Variants in RGS6 observed in about 807,000 individuals in gnomAD.
RGS6 encodes regulator of G-protein signaling 6.
RGS6 carries 30 observed loss-of-function variants against 78.5 expected under a neutral mutation model. That is an observed-to-expected ratio of 0.38 (90% CI 0.29 to 0.52). The LOEUF (loss-of-function observed/expected upper bound fraction) is 0.52, where lower values mean the gene tolerates loss of function less well. Ranked by LOEUF, RGS6 falls within the 20% of genes least tolerant of loss-of-function variation. RGS6 has a pLI of 0.85. For missense variants in RGS6, 495 were observed against 609.7 expected, an observed-to-expected ratio of 0.81 and a Z score of 1.98; for synonymous variants, 206 against 206.0, an observed-to-expected ratio of 1.00 and a Z score of 0.00.
At chr14:72,218,720 T>A (rs58722304) in intron 2 of RGS6, among the ~76,000 whole-genome samples, 5,732 of 152,206 alleles carry the variant, frequency 0.038, 339 homozygotes, top group African/African-American at 0.13. Context: ...CAAGTGATTC[T>A]CCTGTCTCAG....
At chr14:72,267,917 G>A (rs1231600939) in intron 2 of RGS6, among the ~76,000 whole-genome samples, 1 of 152,188 alleles carries the variant, frequency 6.6e-6, no homozygotes, top group Non-Finnish European at 1.5e-5. Flanking sequence ...AGTTTCCAGA[G>A]TCATTGATGA....
At chr14:72,247,681 G>C (rs1164680267) in intron 2 of RGS6, among the ~76,000 whole-genome samples, 1 of 152,186 alleles carries the variant, frequency 6.6e-6, no homozygotes, top group Non-Finnish European at 1.5e-5. Flanking sequence ...AGAGTAATTT[G>C]GTCAAGAGGG....
At chr14:72,599,393 CTTTTTTTTTTTTTTT>C in the RGS6 span, among the ~76,000 whole-genome samples, 5 of 78,226 alleles carry the variant, frequency 6.4e-5, no homozygotes, top group Non-Finnish European at 4.5e-5. Context: ...CTTTTCTTTC[CTTTTTTTTTTTTTTT>C]TTTTTTTTTT....
At chr14:72,276,203 A>AG (rs1007167889) in intron 2 of RGS6, among the ~76,000 whole-genome samples, 22 of 152,000 alleles carry the variant, frequency 1.4e-4, no homozygotes, top group African/African-American at 5.1e-4. Context: ...TAAAAAAAAA[A>AG]TTATACCTTA....
intron 12 of RGS6, among the ~76,000 whole-genome samples, chr14:72,485,505 G>A (rs374756680): frequency 6.6e-6 from 1 of 152,168 alleles, no homozygotes; most frequent in African/African-American, 2.4e-5. Context: ...AGCAGACTCT[G>A]TTCATCTTGT....
intron 2 of RGS6, among the ~76,000 whole-genome samples, chr14:72,087,137 GATT>G (rs1410887715): frequency 6.6e-6 from 1 of 151,982 alleles, no homozygotes; most frequent in Non-Finnish European, 1.5e-5. Context: ...ACATTATTAT[GATT>G]ATTATTTTGA....
At chr14:72,272,122 G>C (rs1031629094) in intron 2 of RGS6, among the ~76,000 whole-genome samples, 3 of 152,044 alleles carry the variant, frequency 2.0e-5, no homozygotes, top group African/African-American at 7.2e-5. Flanking sequence ...TATTGGGGTG[G>C]GGAAATTATT....
At chr14:71,882,591 T>C in the RGS6 span, among the ~76,000 whole-genome samples, 5 of 152,220 alleles carry the variant, frequency 3.3e-5, no homozygotes, top group Non-Finnish European at 1.5e-5. Context: ...ATGGGAATGA[T>C]CTGATTTTCT....
At chr14:72,112,136 A>G (rs766405093) in intron 2 of RGS6, among the ~76,000 whole-genome samples, 7 of 152,198 alleles carry the variant, frequency 4.6e-5, no homozygotes, top group Non-Finnish European at 8.8e-5. Context: ...GGCATTTACC[A>G]TGTTGATGGG....
chr14:72,322,116 C>A (rs1943689028), intron 2 of RGS6, among the ~76,000 whole-genome samples: 1 of 151,480 alleles, frequency 6.6e-6, no homozygotes, highest in Non-Finnish European at 1.5e-5. Context: ...AATTAATGAA[C>A]AAAAAATAAA....
chr14:72,230,011 AT>A (rs1299617694), intron 2 of RGS6, among the ~76,000 whole-genome samples: 1 of 152,190 alleles, frequency 6.6e-6, no homozygotes, highest in African/African-American at 2.4e-5. Context: ...GATGTAGTGT[AT>A]TTTGGATGAA....
At chr14:71,913,937 A>G in the RGS6 span, among the ~76,000 whole-genome samples, 1 of 152,252 alleles carries the variant, frequency 6.6e-6, no homozygotes, top group Non-Finnish European at 1.5e-5. Context: ...CTAGAACTTA[A>G]CTGTTAGAAC....
intron 2 of RGS6, among the ~76,000 whole-genome samples, chr14:72,351,277 G>C (rs949593293): frequency 6.6e-6 from 1 of 152,074 alleles, no homozygotes; most frequent in African/African-American, 2.4e-5. Flanking sequence ...TCTGTATCCT[G>C]TTCTGAAGAT....
chr14:72,256,988 C>T (rs2057216681), intron 2 of RGS6, among the ~76,000 whole-genome samples: 3 of 152,210 alleles, frequency 2.0e-5, no homozygotes, highest in African/African-American at 4.8e-5. Flanking sequence ...GATGGGTAGA[C>T]ACCTGCAAGA....
intron 3 of RGS6, among the ~76,000 whole-genome samples, chr14:72,367,978 C>G (rs892291347): frequency 5.3e-5 from 8 of 152,188 alleles, no homozygotes; most frequent in Non-Finnish European, 1.0e-4. Flanking sequence ...CTTTTTCTCA[C>G]GATGTTCTAA....
At chr14:72,399,004 G>A (rs1348023915) in intron 3 of RGS6, among the ~76,000 whole-genome samples, 1 of 151,860 alleles carries the variant, frequency 6.6e-6, no homozygotes, top group African/African-American at 2.4e-5. Context: ...GGTGTGGTGT[G>A]GTGCTGAAAA....
At chr14:72,074,882 CTGTTT>C (rs1567153180) in intron 2 of RGS6, among the ~76,000 whole-genome samples, 1 of 152,132 alleles carries the variant, frequency 6.6e-6, no homozygotes, top group African/African-American at 2.4e-5. Flanking sequence ...ATTCTCAGTT[CTGTTT>C]TGTCTTCAGC....
At chr14:72,090,515 C>A (rs1228755918) in intron 2 of RGS6, among the ~76,000 whole-genome samples, 1 of 152,132 alleles carries the variant, frequency 6.6e-6, no homozygotes, top group Non-Finnish European at 1.5e-5. Flanking sequence ...CTCCCATCAC[C>A]CCCAGAAATA....
At chr14:72,022,661 C>A (rs930015332) in intron 2 of RGS6, 21 of 152,222 alleles carry the variant, frequency 1.4e-4, no homozygotes, top group African/African-American at 5.1e-4. Flanking sequence ...GACCAAGCTT[C>A]ACATACCCTG....
Sources: allele counts gnomAD v4.1 joint callset (sites outside exome capture counted in the v4.1 genomes callset), GRCh38; gene constraint gnomAD v4.1.1; transcripts MANE v1.5; gene names NCBI Gene and HGNC (gene_info 2026-07-23, HGNC 2026-07-21).